The following TPRG1 variants were observed in gnomAD, a reference collection of about 807,000 sequenced individuals.
TPRG1 encodes the protein tumor protein p63-regulated gene 1 protein.
A neutral mutation model predicts 29.3 loss-of-function variants in TPRG1; 29 were observed. The observed-to-expected ratio is 0.99, with a 90% CI of 0.74 to 1.35. The LOEUF (loss-of-function observed/expected upper bound fraction) is 1.35. Among genes scored for constraint, TPRG1 ranks in the 40% most tolerant of loss-of-function variants. TPRG1 has a pLI of 0.00. For missense variants in TPRG1, 327 were observed against 335.0 expected, an observed-to-expected ratio of 0.98 and a Z score of 0.19; for synonymous variants, 130 against 116.8, an observed-to-expected ratio of 1.11 and a Z score of -0.73.
At chr3:189,086,353 ATTT>A (rs578137615) in intron 4 of TPRG1, among the ~76,000 whole-genome samples, 1 of 142,286 alleles carries the variant, frequency 7.0e-6, no homozygotes. Flanking sequence ...ACTGATTCAA[ATTT>A]TTTTTTTTTT....
intron 4 of TPRG1, among the ~76,000 whole-genome samples, chr3:189,275,868 G>A (rs1408566310): frequency 6.6e-6 from 1 of 152,134 alleles, no homozygotes; most frequent in East Asian, 1.9e-4. Flanking sequence ...GTAAACTGTT[G>A]AGGATTCAAA....
chr3:189,085,450 T>TGTGTGTGTGTGCATGC (rs150880247), intron 4 of TPRG1, among the ~76,000 whole-genome samples: 13 of 132,936 alleles, frequency 9.8e-5, no homozygotes, highest in African/African-American at 3.0e-4. Context: ...TGTGTGCATG[T>TGTGTGTGTGTGCATGC]GTGTGTGTGT....
chr3:189,136,507 C>G (rs1049252875), intron 3 of TPRG1, among the ~76,000 whole-genome samples: 1 of 152,090 alleles, frequency 6.6e-6, no homozygotes, highest in Admixed American at 6.6e-5. Flanking sequence ...ACATGTGAAC[C>G]CTCAAGCAGC....
At chr3:189,051,733 G>A (rs1349782798) in intron 4 of TPRG1, among the ~76,000 whole-genome samples, 1 of 152,162 alleles carries the variant, frequency 6.6e-6, no homozygotes, top group Admixed American at 6.5e-5. Flanking sequence ...CATGGTACTA[G>A]TATAAAAATA....
At chr3:189,136,895 C>G (rs891772836) in intron 3 of TPRG1, among the ~76,000 whole-genome samples, 1 of 152,154 alleles carries the variant, frequency 6.6e-6, no homozygotes, top group Non-Finnish European at 1.5e-5. Context: ...AATCATCATT[C>G]AGTCACTCAA....
At chr3:189,262,921 C>T (rs1480234084) in intron 4 of TPRG1, among the ~76,000 whole-genome samples, 1 of 152,218 alleles carries the variant, frequency 6.6e-6, no homozygotes, top group Non-Finnish European at 1.5e-5. Context: ...TGGGCCTTTC[C>T]GTGAGGCTGC....
At chr3:189,274,988 A>G (rs1357911401) in intron 4 of TPRG1, among the ~76,000 whole-genome samples, 1 of 146,800 alleles carries the variant, frequency 6.8e-6, no homozygotes, top group African/African-American at 2.5e-5. Context: ...GTATGAAGTC[A>G]TTATTGACTA....
At chr3:189,223,912 A>T (rs1449210673) in intron 3 of TPRG1, among the ~76,000 whole-genome samples, 1 of 151,998 alleles carries the variant, frequency 6.6e-6, no homozygotes, top group Non-Finnish European at 1.5e-5. Context: ...ACATTTATTT[A>T]TTTTTTTACT....
At chr3:189,221,577 T>C (rs777514128) in intron 3 of TPRG1, among the ~76,000 whole-genome samples, 6 of 152,222 alleles carry the variant, frequency 3.9e-5, no homozygotes, top group Non-Finnish European at 7.3e-5. Flanking sequence ...GTGAAGGGCA[T>C]CTATGCTTAA....
At chr3:189,053,765 C>T (rs1715481673) in intron 4 of TPRG1, among the ~76,000 whole-genome samples, 1 of 152,142 alleles carries the variant, frequency 6.6e-6, no homozygotes, top group African/African-American at 2.4e-5. Context: ...AGACTGAACC[C>T]TGGTGTTTTG....
chr3:189,022,906 C>G (rs1355468479), intron 3 of TPRG1, among the ~76,000 whole-genome samples: 1 of 152,234 alleles, frequency 6.6e-6, no homozygotes, highest in African/African-American at 2.4e-5. Context: ...CCCTCCGAGC[C>G]AGGTGCCGGA....
At chr3:189,071,462 C>G (rs1716808410) in intron 4 of TPRG1, among the ~76,000 whole-genome samples, 1 of 152,122 alleles carries the variant, frequency 6.6e-6, no homozygotes, top group Non-Finnish European at 1.5e-5. Flanking sequence ...TTTATCCACA[C>G]AGACACAGAG....
At chr3:189,229,423 T>G (rs546846561) in intron 3 of TPRG1, among the ~76,000 whole-genome samples, 1 of 152,100 alleles carries the variant, frequency 6.6e-6, no homozygotes, top group Non-Finnish European at 1.5e-5. Flanking sequence ...GTTAAGTCAT[T>G]AGACAGCCTG....
intron 1 of TPRG1, among the ~76,000 whole-genome samples, chr3:189,185,667 C>T (rs1730828170): frequency 6.6e-6 from 1 of 152,048 alleles, no homozygotes; most frequent in Non-Finnish European, 1.5e-5. Flanking sequence ...AGCCAGTGAG[C>T]CAGAGATAAT....
At chr3:189,035,208 T>C (rs1714183206) in intron 4 of TPRG1, among the ~76,000 whole-genome samples, 1 of 152,160 alleles carries the variant, frequency 6.6e-6, no homozygotes, top group Non-Finnish European at 1.5e-5. Context: ...ACTTAATTAA[T>C]GGTACTGGGA....
rs113190500 is a variant in TPRG1 at position 189,282,022 on chromosome 3, AG to A, written c.480-28362del. On this transcript the variant is annotated intron_variant, in intron 4 of 5. Transcript: ENST00000345063. ...CAGCTTCCTGAGTAGCTGGGACTAT[AG>A]GCACCCACCACCACGCTTGTCTAAT... Among the ~76,000 whole-genome samples the A allele has an allele frequency of 1.1e-3, 162 of 152,116 alleles. 1 individual carries two copies. The highest frequency in any genetic ancestry group is 3.4e-3 in the African/African-American group (142 of 41,496).
intron 3 of TPRG1, among the ~76,000 whole-genome samples, chr3:189,232,850 A>G (rs1481546009): frequency 6.6e-6 from 1 of 152,220 alleles, no homozygotes; most frequent in East Asian, 1.9e-4. Context: ...AGTTAGCTAA[A>G]GGTCTTCCAC....
chr3:189,273,595 T>G (rs1166511913), intron 4 of TPRG1, among the ~76,000 whole-genome samples: 1 of 152,180 alleles, frequency 6.6e-6, no homozygotes, highest in Admixed American at 6.5e-5. Context: ...TAGTAGAGAA[T>G]GCAAATAGCA....
chr3:189,072,158 A>C (rs542998909), intron 4 of TPRG1, among the ~76,000 whole-genome samples: 19 of 152,348 alleles, frequency 1.2e-4, no homozygotes, highest in Admixed American at 7.8e-4. Flanking sequence ...AAATGGGCCC[A>C]TCATTTAAGG....
Sources: gnomAD v4.1 joint callset for allele counts (sites outside exome capture counted in the v4.1 genomes callset) on GRCh38, gnomAD v4.1.1 for gene constraint, MANE v1.5 for transcripts, NCBI Gene and HGNC (gene_info 2026-07-23, HGNC 2026-07-21) for gene names.